The following CHRM3 variants were observed in gnomAD, a reference collection of about 807,000 sequenced individuals.
The protein encoded by CHRM3 is muscarinic acetylcholine receptor M3.
A neutral mutation model predicts 41.8 loss-of-function variants in CHRM3; 11 were observed. The ratio of observed to expected loss-of-function variants is 0.26; its 90% CI spans 0.17 to 0.44. CHRM3 has a LOEUF of 0.44. Among genes scored for constraint, CHRM3 ranks in the 20% least tolerant of loss-of-function variants. The pLI is 1.00. For synonymous variants in CHRM3, 297 were observed against 301.4 expected, an observed-to-expected ratio of 0.99 and a Z score of 0.15; for missense variants, 571 against 745.4, an observed-to-expected ratio of 0.77 and a Z score of 2.72.
At chr1:239,532,164 A>G (rs1245684201) in intron 2 of CHRM3, among the ~76,000 whole-genome samples, 1 of 145,094 alleles carries the variant, frequency 6.9e-6, no homozygotes, top group Non-Finnish European at 1.5e-5. Context: ...AGGCGCTGCC[A>G]CCACGCCCGG....
chr1:239,888,723 A>G (rs1678284987), intron 6 of CHRM3, among the ~76,000 whole-genome samples: 1 of 152,116 alleles, frequency 6.6e-6, no homozygotes, highest in African/African-American at 2.4e-5. Flanking sequence ...ATGTTAATCA[A>G]CCTCCCTGAA....
chr1:239,777,751 C>G (rs1668207785), intron 5 of CHRM3, among the ~76,000 whole-genome samples: 1 of 152,092 alleles, frequency 6.6e-6, no homozygotes, highest in Admixed American at 6.5e-5. Flanking sequence ...AATGAACATT[C>G]ATAGAGAGTT....
At chr1:239,399,750 T>C (rs773341958) in intron 1 of CHRM3, among the ~76,000 whole-genome samples, 3 of 152,170 alleles carry the variant, frequency 2.0e-5, no homozygotes, top group Non-Finnish European at 4.4e-5. Flanking sequence ...CTTCTGTTGA[T>C]AGACACTTAG....
chr1:239,484,814 A>G (rs1667084687), intron 1 of CHRM3, among the ~76,000 whole-genome samples: 2 of 152,186 alleles, frequency 1.3e-5, no homozygotes, highest in Admixed American at 1.3e-4. Flanking sequence ...CAGAGTACAC[A>G]CCGTGTACAT....
chr1:239,512,638 T>TC (rs1224710549), intron 2 of CHRM3, among the ~76,000 whole-genome samples: 2 of 152,080 alleles, frequency 1.3e-5, no homozygotes, highest in Non-Finnish European at 2.9e-5. Context: ...TTCTTCCTCC[T>TC]CCCTCTCCTG....
intron 1 of CHRM3, among the ~76,000 whole-genome samples, chr1:239,491,890 G>C (rs886721085): frequency 6.6e-6 from 1 of 152,108 alleles, no homozygotes; most frequent in East Asian, 1.9e-4. Context: ...ACGTGCAGGG[G>C]AGCTCAGAGT....
At chr1:239,583,897 C>T (rs1375626035) in intron 3 of CHRM3, among the ~76,000 whole-genome samples, 1 of 151,936 alleles carries the variant, frequency 6.6e-6, no homozygotes. Flanking sequence ...GAGTTTTATC[C>T]TACCCTGCTG....
At chr1:239,548,563 A>G (rs954109479) in intron 3 of CHRM3, among the ~76,000 whole-genome samples, 2 of 152,176 alleles carry the variant, frequency 1.3e-5, no homozygotes, top group Non-Finnish European at 2.9e-5. Context: ...TTCAGCCTTT[A>G]TAGATTTTTC....
At chr1:239,706,682 G>A (rs1181885824) in intron 5 of CHRM3, among the ~76,000 whole-genome samples, 3 of 136,240 alleles carry the variant, frequency 2.2e-5, no homozygotes, top group Middle Eastern at 3.9e-3. Context: ...GTACACACAC[G>A]GAGGCATGCA....
intron 5 of CHRM3, among the ~76,000 whole-genome samples, chr1:239,770,189 A>C (rs1348579357): frequency 6.6e-6 from 1 of 152,150 alleles, no homozygotes; most frequent in African/African-American, 2.4e-5. Flanking sequence ...CATTTCAAGC[A>C]TGTGTTGTTG....
intron 6 of CHRM3, among the ~76,000 whole-genome samples, chr1:239,846,950 T>TGTCTCCTGAATTACTG (rs1674315822): frequency 6.6e-6 from 1 of 152,196 alleles, no homozygotes; most frequent in Non-Finnish European, 1.5e-5. Flanking sequence ...GACAGAATAC[T>TGTCTCCTGAATTACTG]AAGCTTCAGT....
In CHRM3 at chr1:239,794,763, T is replaced by A. The variant is rs75130583; in HGVS notation, c.-146-32489T>A. 3.5e-3 allele frequency among the ~76,000 whole-genome samples: 533 copies of A among 152,348 alleles called. 31 individuals carry two copies. In the East Asian group the frequency reaches 0.09, roughly 26 times the overall value. On this transcript the variant is annotated intron_variant, in intron 5 of 6. Coordinates refer to ENST00000676153, the MANE Select transcript of CHRM3 (RefSeq NM_001375978.1). ...TTATAACACATGAAACCACTTCAGA[T>A]ATTAAGTAATTTATTTTACATTGAT...
intron 2 of CHRM3, among the ~76,000 whole-genome samples, chr1:239,533,050 G>T (rs927377037): frequency 6.6e-6 from 1 of 151,936 alleles, no homozygotes; most frequent in Non-Finnish European, 1.5e-5. Flanking sequence ...TTTCCCTTTC[G>T]ATGAGAAAAG....
At chr1:239,604,970 T>G (rs555205503) in intron 3 of CHRM3, among the ~76,000 whole-genome samples, 58 of 152,352 alleles carry the variant, frequency 3.8e-4, no homozygotes, top group Non-Finnish European at 7.5e-4. Flanking sequence ...GTTTTTGCCA[T>G]GCAAACCTAC....
At position 239,907,871 on chromosome 1, in the gene CHRM3, C is replaced by T. The variant is rs1365247243; in HGVS notation, c.420C>T (p.Ala140=). 1.9e-6 allele frequency: 3 copies of T among 1,614,216 alleles called. No homozygotes were observed. Among genetic ancestry groups the T allele is most frequent in the South Asian group, 1.1e-5 (1 of 91,086 alleles). Residue 140 remains alanine (A), a synonymous_variant, in exon 7 of 7, where the codon GCC becomes GCT. Transcript: ENST00000676153. The surrounding 1 kb of genome is among the most constrained non-coding windows in gnomAD (Gnocchi z 5.4). The part of the protein sequence containing the change: ...IMNRWALGNL[A]CDLWLAIDYV... Reference sequence around the variant, plus strand: ...ATCGATGGGCCTTAGGGAACTTGGCCTGTGACCTCTGGCTTGCCATTGACT... The same window carrying T: ...ATCGATGGGCCTTAGGGAACTTGGCTTGTGACCTCTGGCTTGCCATTGACT...
chr1:239,436,548 T>C (rs1663285954), intron 1 of CHRM3, among the ~76,000 whole-genome samples: 2 of 151,932 alleles, frequency 1.3e-5, no homozygotes, highest in South Asian at 4.1e-4. Flanking sequence ...TCGCCGGCTC[T>C]GCTTGTTCAT....
At chr1:239,614,381 T>A (rs1667405186) in intron 3 of CHRM3, among the ~76,000 whole-genome samples, 1 of 152,152 alleles carries the variant, frequency 6.6e-6, no homozygotes, top group Admixed American at 6.5e-5. Flanking sequence ...GCTGCTTATT[T>A]TTAAAATATT....
At chr1:239,399,001 A>C (rs1459944721) in intron 1 of CHRM3, among the ~76,000 whole-genome samples, 1 of 152,330 alleles carries the variant, frequency 6.6e-6, no homozygotes, top group South Asian at 2.1e-4. Context: ...AGATTAAAAA[A>C]GAAAAAGTAA....
intron 6 of CHRM3, among the ~76,000 whole-genome samples, chr1:239,874,849 C>T (rs1041229412): frequency 3.3e-5 from 5 of 151,926 alleles, no homozygotes; most frequent in Non-Finnish European, 5.9e-5. Flanking sequence ...CAGGCATGCA[C>T]GACCACGCCG....
Sources: gnomAD v4.1 joint callset for allele counts (sites outside exome capture counted in the v4.1 genomes callset) on GRCh38, gnomAD v4.1.1 for gene constraint, Gnocchi (gnomAD v3.1) non-coding constraint, MANE v1.5 for transcripts, NCBI Gene and HGNC (gene_info 2026-07-23, HGNC 2026-07-21) for gene names.